SKAP2: variants seen among roughly 807,000 people sequenced by gnomAD.
SKAP2 encodes src kinase associated phosphoprotein 2.
Under a neutral mutation model 54.9 loss-of-function variants are expected in SKAP2, and 28 were observed. That is an observed-to-expected ratio of 0.51 (90% confidence interval 0.38 to 0.70). The LOEUF is 0.70. Among genes scored for constraint, SKAP2 ranks in the 30% least tolerant of loss-of-function variants. SKAP2 has a pLI of 0.00. For synonymous variants in SKAP2, 137 were observed against 134.3 expected, an observed-to-expected ratio of 1.02 and a Z score of -0.14; for missense variants, 356 against 424.1, an observed-to-expected ratio of 0.84 and a Z score of 1.41.
At chr7:26,778,107 A>G (rs942314722) in intron 4 of SKAP2, among the ~76,000 whole-genome samples, 4 of 135,054 alleles carry the variant, frequency 3.0e-5, no homozygotes, top group Non-Finnish European at 6.7e-5. Context: ...CTGCCAGGCT[A>G]TAAGAATTGT....
At chr7:26,728,681 G>A (rs140604513) in intron 6 of SKAP2, among the ~76,000 whole-genome samples, 5 of 152,140 alleles carry the variant, frequency 3.3e-5, no homozygotes, top group Non-Finnish European at 5.9e-5. Flanking sequence ...CAGATCTTTC[G>A]CGCCACCTTC....
intron 11 of SKAP2, among the ~76,000 whole-genome samples, chr7:26,671,541 G>A (rs1288837546): frequency 6.6e-6 from 1 of 151,978 alleles, no homozygotes; most frequent in Non-Finnish European, 1.5e-5. Flanking sequence ...AAAATCCATA[G>A]GCACTTTTTC....
intron 9 of SKAP2, among the ~76,000 whole-genome samples, chr7:26,695,623 CTGTT>C (rs1248358711): frequency 5.3e-5 from 8 of 152,182 alleles, no homozygotes; most frequent in Non-Finnish European, 8.8e-5. Context: ...AAAATACTGT[CTGTT>C]TGTGGACTTT....
chr7:26,774,262 A>C (rs569246293), intron 4 of SKAP2, among the ~76,000 whole-genome samples: 2 of 152,192 alleles, frequency 1.3e-5, no homozygotes, highest in East Asian at 3.9e-4. Flanking sequence ...GCAGTGAGCC[A>C]AGACTGTGCC....
chr7:26,726,140 T>C (rs547718159), intron 7 of SKAP2, among the ~76,000 whole-genome samples, 154 bp from the exon 8 acceptor site: 1 of 152,272 alleles, frequency 6.6e-6, no homozygotes, highest in Admixed American at 6.5e-5. Flanking sequence ...CAGTTAATTT[T>C]GACAAATTTA....
At chr7:26,774,172 TA>T (rs1336037824) in intron 4 of SKAP2, among the ~76,000 whole-genome samples, 1 of 151,650 alleles carries the variant, frequency 6.6e-6, no homozygotes, top group Admixed American at 6.6e-5. Flanking sequence ...AATTAGCTGG[TA>T]GTGGTGGTGC....
At chr7:26,798,104 A>G (rs1584395586) in intron 4 of SKAP2, among the ~76,000 whole-genome samples, 2 of 152,092 alleles carry the variant, frequency 1.3e-5, no homozygotes, top group South Asian at 4.1e-4. Context: ...TAGAACACTA[A>G]GCAGATTTAA....
intron 11 of SKAP2, among the ~76,000 whole-genome samples, chr7:26,670,654 A>G (rs1411463674): frequency 3.4e-4 from 52 of 152,052 alleles, no homozygotes; most frequent in Non-Finnish European, 4.4e-5. Context: ...TATATGACCT[A>G]AAATGATTTA....
At chr7:26,829,474 T>G (rs1246485378) in intron 4 of SKAP2, among the ~76,000 whole-genome samples, 3 of 151,914 alleles carry the variant, frequency 2.0e-5, no homozygotes, top group Non-Finnish European at 4.4e-5. Context: ...GCCCAGGAGG[T>G]AGAGGCTACA....
At chr7:26,824,154 GC>G (rs1248279619) in intron 4 of SKAP2, among the ~76,000 whole-genome samples, 1 of 152,124 alleles carries the variant, frequency 6.6e-6, no homozygotes. Context: ...AACTGCCACA[GC>G]CCCCCAACCT....
At chr7:26,690,794 T>C (rs1208372373) in intron 9 of SKAP2, among the ~76,000 whole-genome samples, 1 of 152,210 alleles carries the variant, frequency 6.6e-6, no homozygotes, top group Non-Finnish European at 1.5e-5. Flanking sequence ...CACATTGTAC[T>C]GTGTGGCAGG....
intron 4 of SKAP2, among the ~76,000 whole-genome samples, chr7:26,791,022 A>G (rs1032284407): frequency 2.6e-5 from 4 of 151,240 alleles, no homozygotes; most frequent in Non-Finnish European, 5.9e-5. Context: ...TGAACATCAC[A>G]TTGAGATTGT....
intron 4 of SKAP2, chr7:26,742,283 G>A (rs1279611011): frequency 6.6e-6 from 1 of 152,042 alleles, no homozygotes; most frequent in African/African-American, 2.4e-5. Flanking sequence ...CTTTACATAA[G>A]GAATGGATGC....
chr7:26,855,400 A>C (rs1384768363), intron 1 of SKAP2, among the ~76,000 whole-genome samples: 4 of 152,066 alleles, frequency 2.6e-5, no homozygotes, highest in Non-Finnish European at 5.9e-5. Flanking sequence ...TTAAAGGAAA[A>C]AGTAAATCCA....
At chr7:26,682,402 A>T (rs1173653744) in intron 11 of SKAP2, among the ~76,000 whole-genome samples, 1 of 152,158 alleles carries the variant, frequency 6.6e-6, no homozygotes, top group Non-Finnish European at 1.5e-5. Context: ...AATATGTCCA[A>T]ATCTCATCAA....
intron 6 of SKAP2, among the ~76,000 whole-genome samples, chr7:26,735,584 C>A (rs948211175): frequency 6.6e-6 from 1 of 152,134 alleles, no homozygotes; most frequent in Non-Finnish European, 1.5e-5. Context: ...CAAACAGTAA[C>A]AAAGCACAGT....
At chr7:26,775,132 C>A (rs1368799434) in intron 4 of SKAP2, among the ~76,000 whole-genome samples, 1 of 152,138 alleles carries the variant, frequency 6.6e-6, no homozygotes, top group Non-Finnish European at 1.5e-5. Context: ...TTCTCATAAA[C>A]ATATACACAC....
chr7:26,702,562 T>C (rs551922460), intron 9 of SKAP2, among the ~76,000 whole-genome samples: 3 of 152,318 alleles, frequency 2.0e-5, no homozygotes, highest in Middle Eastern at 3.4e-3. Context: ...TGAAGATTCC[T>C]AGTTGCTGCA....
intron 2 of SKAP2, 56 bp downstream of exon 2, chr7:26,854,729 T>G: frequency 6.8e-7 from 1 of 1,470,104 alleles, no homozygotes; most frequent in South Asian, 1.2e-5. Context: ...ATTAAAATGT[T>G]AGTTACAAAA....
Sources: allele counts gnomAD v4.1 joint callset (sites outside exome capture counted in the v4.1 genomes callset), GRCh38; gene constraint gnomAD v4.1.1; transcripts MANE v1.5; gene names NCBI Gene and HGNC (gene_info 2026-07-23, HGNC 2026-07-21).